AGBL4: variants seen among roughly 807,000 people sequenced by gnomAD.
AGBL4 encodes the protein AGBL carboxypeptidase 4, also known as cytosolic carboxypeptidase 6.
In AGBL4, 58 loss-of-function variants were observed where a neutral mutation model predicts 66.4. That is an observed-to-expected ratio of 0.87 (90% CI 0.71 to 1.09). AGBL4 has a LOEUF of 1.09. AGBL4 is among the 50% of genes least tolerant of loss of function. The pLI, the probability that AGBL4 is intolerant of heterozygous loss-of-function variation, is 0.00. For missense variants in AGBL4, 579 were observed against 631.0 expected (o/e 0.92, Z 0.88); for synonymous variants, 234 against 222.9 (o/e 1.05, Z -0.44).
At chr1:49,910,331 A>G (rs1193874380) in intron 1 of AGBL4, among the ~76,000 whole-genome samples, 1 of 152,226 alleles carries the variant, frequency 6.6e-6, no homozygotes, top group East Asian at 1.9e-4. Flanking sequence ...AAAATGAAGA[A>G]TGAGAAAAAC....
chr1:48,586,523 AGGG>A (rs1192838410), intron 11 of AGBL4: 1 of 162,544 alleles, frequency 6.2e-6, no homozygotes, highest in Non-Finnish European at 1.3e-5. Flanking sequence ...AGTAAGTAGA[AGGG>A]GAAATAGTGA....
intron 3 of AGBL4, among the ~76,000 whole-genome samples, chr1:49,668,443 T>C (rs553762378): frequency 6.6e-6 from 1 of 152,300 alleles, no homozygotes; most frequent in African/African-American, 2.4e-5. Context: ...GTTTGCTTAT[T>C]ATTACGGAAA....
At chr1:49,253,174 A>G (rs904862461) in intron 3 of AGBL4, among the ~76,000 whole-genome samples, 4 of 152,212 alleles carry the variant, frequency 2.6e-5, no homozygotes, top group South Asian at 2.1e-4. Flanking sequence ...CTCACAAGCA[A>G]TAACACACAT....
intron 5 of AGBL4, among the ~76,000 whole-genome samples, chr1:49,023,143 C>T (rs1663375446): frequency 6.6e-6 from 1 of 152,278 alleles, no homozygotes; most frequent in South Asian, 2.1e-4. Flanking sequence ...GTCATCCTTA[C>T]TTTTAACTTA....
intron 6 of AGBL4, among the ~76,000 whole-genome samples, chr1:48,844,025 T>G (rs1222832003): frequency 6.6e-6 from 1 of 152,186 alleles, no homozygotes; most frequent in Admixed American, 6.5e-5. Flanking sequence ...GAAATAGTGT[T>G]ATTCCTAAGC....
chr1:49,442,930 T>G (rs919594620), intron 3 of AGBL4, among the ~76,000 whole-genome samples: 5 of 152,188 alleles, frequency 3.3e-5, no homozygotes, highest in African/African-American at 1.2e-4. Flanking sequence ...CTCTGAATGC[T>G]CACCAACATC....
At chr1:49,099,948 C>T (rs1463096461) in intron 4 of AGBL4, among the ~76,000 whole-genome samples, 2 of 152,022 alleles carry the variant, frequency 1.3e-5, no homozygotes, top group Non-Finnish European at 2.9e-5. Context: ...TTCTCTTTTT[C>T]TCTCTCTCTC....
intron 1 of AGBL4, among the ~76,000 whole-genome samples, chr1:49,929,488 A>C (rs1183696285): frequency 6.6e-6 from 1 of 152,168 alleles, no homozygotes; most frequent in Non-Finnish European, 1.5e-5. Context: ...ATCCAGTAAA[A>C]ATATGTGCCA....
chr1:49,723,325 T>A (rs1648751302), intron 2 of AGBL4, among the ~76,000 whole-genome samples: 1 of 152,166 alleles, frequency 6.6e-6, no homozygotes, highest in African/African-American at 2.4e-5. Context: ...AAGGTCTTCA[T>A]GCCTCTTGCT....
intron 9 of AGBL4, among the ~76,000 whole-genome samples, chr1:48,613,857 A>T (rs1645277922): frequency 6.6e-6 from 1 of 152,246 alleles, no homozygotes; most frequent in African/African-American, 2.4e-5. Context: ...CCACAATAAT[A>T]CAGCACAGTT....
chr1:49,652,304 T>A (rs919283541), intron 3 of AGBL4, among the ~76,000 whole-genome samples: 3 of 152,168 alleles, frequency 2.0e-5, no homozygotes, highest in Admixed American at 6.6e-5. Flanking sequence ...AAAATTTCCA[T>A]GCTCTTGCTG....
At chr1:48,717,754 A>G (rs1236728386) in intron 6 of AGBL4, among the ~76,000 whole-genome samples, 1 of 152,192 alleles carries the variant, frequency 6.6e-6, no homozygotes, top group East Asian at 1.9e-4. Context: ...AGAGGCATTG[A>G]GGCTTTGATG....
chr1:49,865,657 T>C (rs1646681911), intron 1 of AGBL4, among the ~76,000 whole-genome samples: 1 of 151,956 alleles, frequency 6.6e-6, no homozygotes. Flanking sequence ...AAAGAATCAA[T>C]GAAAAAAACA....
intron 4 of AGBL4, among the ~76,000 whole-genome samples, chr1:49,123,101 C>T (rs1645692684): frequency 6.6e-6 from 1 of 152,142 alleles, no homozygotes; most frequent in African/African-American, 2.4e-5. Flanking sequence ...GATCTGCCCG[C>T]CTTGGCCTCC....
At chr1:49,978,826 T>G (rs1029692875) in intron 1 of AGBL4, among the ~76,000 whole-genome samples, 8 of 152,208 alleles carry the variant, frequency 5.3e-5, no homozygotes, top group Admixed American at 3.9e-4. Flanking sequence ...GTGATTTTAT[T>G]TTATTCATAT....
At chr1:49,618,485 T>A (rs1202953295) in intron 3 of AGBL4, among the ~76,000 whole-genome samples, 2 of 132,026 alleles carry the variant, frequency 1.5e-5, no homozygotes, top group East Asian at 3.9e-4. Context: ...AATAGCCTAC[T>A]AACCAAAAAA....
chr1:48,811,690 C>G (rs776769965), intron 6 of AGBL4, among the ~76,000 whole-genome samples: 2 of 44,382 alleles, frequency 4.5e-5, no homozygotes, highest in Non-Finnish European at 1.3e-4. Flanking sequence ...CTTCTTGATT[C>G]TACTCTGTCT....
chr1:49,254,709 T>C (rs1352919338), intron 3 of AGBL4, among the ~76,000 whole-genome samples: 1 of 152,036 alleles, frequency 6.6e-6, no homozygotes, highest in Non-Finnish European at 1.5e-5. Context: ...ATAGCCAAGA[T>C]AATCCTAAGC....
intron 3 of AGBL4, among the ~76,000 whole-genome samples, chr1:49,379,651 CT>C (rs1229050628): frequency 6.6e-6 from 1 of 152,020 alleles, no homozygotes; most frequent in Non-Finnish European, 1.5e-5. Flanking sequence ...TGGTTTTTGT[CT>C]TTGGTTCTTT....
Sources: allele counts gnomAD v4.1 joint callset (sites outside exome capture counted in the v4.1 genomes callset), GRCh38; gene constraint gnomAD v4.1.1; transcripts MANE v1.5; gene names NCBI Gene and HGNC (gene_info 2026-07-23, HGNC 2026-07-21).